Variants in ALK observed in about 807,000 individuals in gnomAD.
ALK encodes ALK receptor tyrosine kinase.
Under a neutral mutation model 163.1 loss-of-function variants are expected in ALK, and 74 were observed. That is an observed-to-expected ratio of 0.45 (90% CI 0.38 to 0.55). ALK has a LOEUF of 0.55. ALK is among the 20% of genes least tolerant of loss of function. The pLI is 0.00. For missense variants in ALK, 2,063 were observed against 2,105.3 expected, an observed-to-expected ratio of 0.98 and a Z score of 0.39; for synonymous variants, 960 against 843.2, an observed-to-expected ratio of 1.14 and a Z score of -2.40.
rs112410776 is a variant in ALK at position 29,374,300 on chromosome 2, T to C, written c.1282+9432A>G. Among the ~76,000 whole-genome samples the C allele has an allele frequency of 5.4e-3, 816 of 152,254 alleles. 3 individuals are homozygous for C. The highest frequency in any genetic ancestry group is 7.4e-3 in the Non-Finnish European group (505 of 68,014). ...GATGAGAAAATGAAAACTCATAGAT[T>C]TAGGAAACTTTTCCAAGCTCAAAAA... On this transcript the variant is annotated intron_variant, in intron 5 of 28. Transcript: ENST00000389048.
At chr2:29,906,298 T>C (rs1232340293) in intron 1 of ALK, among the ~76,000 whole-genome samples, 1 of 152,060 alleles carries the variant, frequency 6.6e-6, no homozygotes, top group Non-Finnish European at 1.5e-5. Context: ...TCCCTCACCA[T>C]TCTATAAATC....
chr2:29,621,305 A>G lies in ALK; in HGVS notation c.952+73545T>C, dbSNP rs1025813719. Among the ~76,000 whole-genome samples, 4 of 152,008 alleles carry G rather than the reference A, an allele frequency of 2.6e-5. No homozygotes were observed. In the East Asian group the frequency reaches 7.7e-4, roughly 29 times the overall value. ...CTTTTTTTGTTGTTGTGGTTTTGCT[A>G]TTGCAAAGGTAGAAAAGATATCTGT... On this transcript the variant is annotated intron_variant, in intron 3 of 28. Coordinates refer to ENST00000389048, the MANE Select transcript of ALK (RefSeq NM_004304.5).
At chr2:29,770,920 C>G (rs1196841611) in intron 1 of ALK, among the ~76,000 whole-genome samples, 1 of 151,900 alleles carries the variant, frequency 6.6e-6, no homozygotes, top group Non-Finnish European at 1.5e-5. Context: ...CAGTCACACA[C>G]ACGCAGTCAC....
rs1380609797 is a variant in ALK, at chr2:29,349,581, G to C, written c.1283-21100C>G. ...GGAAGCAGGGATCCTCTGTACCTGGGCTGTTTTAAATACTCTAGTGCAAAA... is the reference window on the plus strand; with the variant it reads ...GGAAGCAGGGATCCTCTGTACCTGGCCTGTTTTAAATACTCTAGTGCAAAA... On this transcript the variant is annotated intron_variant, in intron 5 of 28. Coordinates refer to ENST00000389048, the MANE Select transcript of ALK (RefSeq NM_004304.5). 2.0e-5 allele frequency among the ~76,000 whole-genome samples: 3 copies of C among 152,168 alleles called. No individual in the cohort carries two copies. In the East Asian group the frequency reaches 5.8e-4, roughly 29 times the overall value.
intron 8 of ALK, among the ~76,000 whole-genome samples, chr2:29,317,459 C>T (rs1262491834): frequency 6.6e-6 from 1 of 152,234 alleles, no homozygotes; most frequent in Non-Finnish European, 1.5e-5. Flanking sequence ...CCTCTTCCCC[C>T]AGTGTCCTTC....
chr2:29,541,069 T>C (rs1265043417), intron 3 of ALK, among the ~76,000 whole-genome samples: 1 of 152,220 alleles, frequency 6.6e-6, no homozygotes, highest in Non-Finnish European at 1.5e-5. Flanking sequence ...ATGATCTGTT[T>C]GCCTGCATCA....
chr2:29,724,023 T>C (rs776518641), intron 1 of ALK, among the ~76,000 whole-genome samples: 1 of 152,246 alleles, frequency 6.6e-6, no homozygotes, highest in African/African-American at 2.4e-5. Flanking sequence ...TCTCACTGCA[T>C]GTCTATTTAT....
intron 3 of ALK, among the ~76,000 whole-genome samples, chr2:29,548,608 G>A (rs975148165): frequency 3.3e-5 from 5 of 152,160 alleles, no homozygotes; most frequent in African/African-American, 1.2e-4. Context: ...AGTCATCGCA[G>A]CGAAGGCTTC....
At chr2:29,598,183 C>T (rs949183543) in intron 3 of ALK, among the ~76,000 whole-genome samples, 7 of 152,262 alleles carry the variant, frequency 4.6e-5, no homozygotes, top group African/African-American at 7.2e-5. Context: ...TGCGCCACCA[C>T]GCCAGCTAAT....
intron 1 of ALK, among the ~76,000 whole-genome samples, chr2:29,849,295 C>T (rs1317757222): frequency 6.6e-6 from 1 of 152,170 alleles, no homozygotes; most frequent in Non-Finnish European, 1.5e-5. Flanking sequence ...TCAAGCCCAC[C>T]CCTGGCTTTG....
At chr2:29,662,983 T>A (rs1443005421) in intron 3 of ALK, among the ~76,000 whole-genome samples, 1 of 152,186 alleles carries the variant, frequency 6.6e-6, no homozygotes, top group Non-Finnish European at 1.5e-5. Flanking sequence ...AGCTGTTTGA[T>A]GATTGACAAT....
chr2:29,917,339 C>G (rs1216695814), intron 1 of ALK, among the ~76,000 whole-genome samples: 1 of 152,216 alleles, frequency 6.6e-6, no homozygotes, highest in African/African-American at 2.4e-5. Context: ...TACTTTCCTT[C>G]TGTATAATTG....
At chr2:29,486,625 G>A (rs1471717439) in intron 4 of ALK, among the ~76,000 whole-genome samples, 3 of 152,112 alleles carry the variant, frequency 2.0e-5, no homozygotes, top group South Asian at 2.1e-4. Context: ...TATAACAAAG[G>A]AGCAACATGG....
chr2:29,347,662 T>G (rs1667990937), intron 5 of ALK, among the ~76,000 whole-genome samples: 2 of 152,212 alleles, frequency 1.3e-5, no homozygotes, highest in South Asian at 4.1e-4. Context: ...CAGGGAATAC[T>G]TGGGCAGTAA....
intron 1 of ALK, among the ~76,000 whole-genome samples, chr2:29,881,270 G>A (rs1365840117): frequency 6.6e-6 from 1 of 152,188 alleles, no homozygotes; most frequent in Non-Finnish European, 1.5e-5. Flanking sequence ...GAAGCAGCAG[G>A]CTGCTCCCGA....
chr2:29,193,504 T>C lies in ALK; in HGVS notation c.4583A>G (p.His1528Arg). 6.2e-7 allele frequency: 1 copy of C among 1,614,184 alleles called. No homozygotes were observed. The highest frequency in any genetic ancestry group is 1.3e-5 in the African/African-American group (1 of 75,054). Residue 1528 changes from histidine (H) to arginine (R), a missense_variant, in exon 29 of 29, where the codon CAC becomes CGC. This residue lies in a region of ALK where 403 missense variants were observed against 366.2 expected (regional missense o/e 1.10). Coordinates refer to ENST00000389048, the MANE Select transcript of ALK (RefSeq NM_004304.5). ...CTCCAGCCCCAGGTTACCCCTGTCG[T>C]GTGGCTCCTTCTTTGCTATAGGATT... ...KNNPIAKKEP[H>R]DRGNLGLEGS... is the part of the protein sequence containing the mutation.
chr2:29,392,148 C>T (rs1458068852), intron 4 of ALK, among the ~76,000 whole-genome samples: 1 of 152,102 alleles, frequency 6.6e-6, no homozygotes. Flanking sequence ...GAAGAGCCTC[C>T]CATTCCAGAC....
At chr2:29,565,234 C>T (rs1674145241) in intron 3 of ALK, among the ~76,000 whole-genome samples, 1 of 152,116 alleles carries the variant, frequency 6.6e-6, no homozygotes, top group Non-Finnish European at 1.5e-5. Context: ...CCAATTTTTG[C>T]AAATGACAAA....
intron 1 of ALK, among the ~76,000 whole-genome samples, chr2:29,797,000 C>CCACA (rs34846199): frequency 0.065 from 9,420 of 144,622 alleles, 378 homozygotes; most frequent in Non-Finnish European, 0.098. Context: ...GCACGCACAC[C>CCACA]CACACACACA....
Sources: allele counts gnomAD v4.1 joint callset (sites outside exome capture counted in the v4.1 genomes callset), GRCh38; gene constraint gnomAD v4.1.1; regional missense constraint gnomAD v4.1.1; transcripts MANE v1.5; gene names NCBI Gene and HGNC (gene_info 2026-07-23, HGNC 2026-07-21).